The following GUCY2F variants were observed in gnomAD, a reference collection of about 807,000 sequenced individuals.
GUCY2F encodes retinal guanylyl cyclase 2.
In GUCY2F, 61 loss-of-function variants were observed where a neutral mutation model predicts 73.1. That is an observed-to-expected ratio of 0.83 (90% CI 0.68 to 1.03). GUCY2F has a LOEUF of 1.03. Among genes scored for constraint, GUCY2F ranks in the 50% least tolerant of loss-of-function variants. The pLI, the probability that GUCY2F is intolerant of heterozygous loss-of-function variation, is 0.00. For missense variants in GUCY2F, 912 were observed against 854.3 expected (o/e 1.07, Z -0.84); for synonymous variants, 331 against 307.8 (o/e 1.08, Z -0.79).
In GUCY2F at chrX:109,406,294, C is replaced by T. The variant is rs183156272; in HGVS notation, c.1969-1810G>A. ...CCAGTGGCACTGAGTTCCACATACA[C>T]AGCCATTGTATGTAAAGACCTCTCA... On this transcript the variant is annotated intron_variant, in intron 9 of 19. Transcript: ENST00000218006. Among the ~76,000 whole-genome samples the T allele has an allele frequency of 1.3e-3, 147 of 111,556 alleles. 1 individual carries two copies. The highest frequency in any genetic ancestry group is 4.7e-3 in the African/African-American group (143 of 30,681).
At chrX:109,452,469 T>G (rs1932155827) in intron 4 of GUCY2F, among the ~76,000 whole-genome samples, 1 of 111,946 alleles carries the variant, frequency 8.9e-6, no homozygotes. Flanking sequence ...CCTGTGAAAG[T>G]TAAGTATTAT....
At chrX:109,436,569 A>G (rs1251398537) in intron 7 of GUCY2F, among the ~76,000 whole-genome samples, 1 of 112,199 alleles carries the variant, frequency 8.9e-6, no homozygotes, top group Admixed American at 9.4e-5. Context: ...GATTAAGAAA[A>G]TGTGGCACAT....
chrX:109,409,224 A>C, intron 8 of GUCY2F, 56 bp from the exon 9 acceptor site: 8 of 613,095 alleles, frequency 1.3e-5, no homozygotes, highest in Non-Finnish European at 2.2e-5. Context: ...ACTGGGGACC[A>C]CAGTTGAGGG....
Position 109,392,922 on chromosome X carries a change from G to A in GUCY2F, c.2558C>T (p.Thr853Met), listed in dbSNP as rs781268860. The A allele has an allele frequency of 5.6e-5, 67 of 1,189,125 alleles. No homozygotes were observed. The highest frequency in any genetic ancestry group is 6.6e-5 in the Admixed American group (3 of 45,484). ...TAGCATCTGTGTTAGAAGCTTTTCC[G>A]TTTTCTGTTTTTCAATTTCCAGCTC... is the stretch of plus-strand genomic sequence containing the variant. ...TEELEIEKQK[T>M]EKLLTQMLPP... Residue 853 changes from threonine (T) to methionine (M), a missense_variant, in exon 13 of 20, where the codon ACG (threonine) becomes ATG (methionine). Physicochemically the swap from Thr to Met is moderately conservative, Grantham distance 81. Transcript: ENST00000218006.
At chrX:109,455,845 A>T (rs1170996492) in intron 3 of GUCY2F, among the ~76,000 whole-genome samples, 2 of 111,603 alleles carry the variant, frequency 1.8e-5, no homozygotes, top group Admixed American at 1.9e-4. Context: ...CTACTTTTAT[A>T]TCTCCACTTG....
intron 3 of GUCY2F, among the ~76,000 whole-genome samples, chrX:109,461,166 A>G (rs1480281808): frequency 3.6e-5 from 4 of 111,906 alleles, no homozygotes; most frequent in Non-Finnish European, 7.5e-5. Flanking sequence ...TAGTAATACA[A>G]CAAATAATGC....
At chrX:109,413,912 G>A (rs1186981082) in intron 8 of GUCY2F, among the ~76,000 whole-genome samples, 1 of 110,596 alleles carries the variant, frequency 9.0e-6, no homozygotes, top group Admixed American at 9.5e-5. Context: ...AGCTATATCA[G>A]CAATTGCTGT....
chrX:109,467,118 TC>T (rs1276839969), intron 2 of GUCY2F, among the ~76,000 whole-genome samples: 1 of 112,435 alleles, frequency 8.9e-6, no homozygotes, highest in East Asian at 2.8e-4. Flanking sequence ...CACAAGGAAT[TC>T]AGCCTCACTT....
At chrX:109,456,109 A>G (rs1932254023) in intron 3 of GUCY2F, among the ~76,000 whole-genome samples, 1 of 112,375 alleles carries the variant, frequency 8.9e-6, no homozygotes, top group Middle Eastern at 4.2e-3. Context: ...GTAGAAACAG[A>G]TCATGAATGG....
At chrX:109,443,368 T>C in intron 6 of GUCY2F, among the ~76,000 whole-genome samples, 1 of 111,594 alleles carries the variant, frequency 9.0e-6, no homozygotes, top group Middle Eastern at 4.6e-3. Context: ...CTTATAAGAG[T>C]ATACCAATCC....
At chrX:109,448,344 C>T (rs892816464) in intron 5 of GUCY2F, among the ~76,000 whole-genome samples, 179 bp from the exon 6 acceptor site, 3 of 111,188 alleles carry the variant, frequency 2.7e-5, no homozygotes, top group Non-Finnish European at 5.7e-5. Flanking sequence ...AACCCTGGCC[C>T]GCACAACTTG....
At chrX:109,444,210 C>A (rs1381589416) in intron 6 of GUCY2F, among the ~76,000 whole-genome samples, 1 of 111,998 alleles carries the variant, frequency 8.9e-6, no homozygotes, top group East Asian at 2.8e-4. Flanking sequence ...ACAATATTAA[C>A]CTTACAAAAA....
intron 5 of GUCY2F, among the ~76,000 whole-genome samples, chrX:109,450,335 C>T: frequency 9.0e-6 from 1 of 111,188 alleles, no homozygotes; most frequent in Non-Finnish European, 1.9e-5. Context: ...CCAAGAATTG[C>T]AGACTAGGCT....
At chrX:109,441,725 A>T (rs966599412) in intron 6 of GUCY2F, among the ~76,000 whole-genome samples, 4 of 110,352 alleles carry the variant, frequency 3.6e-5, no homozygotes, top group Non-Finnish European at 7.6e-5. Flanking sequence ...AGAGAGGATT[A>T]AAATACAGAT....
At chrX:109,459,939 A>G (rs1365940291) in intron 3 of GUCY2F, among the ~76,000 whole-genome samples, 2 of 111,840 alleles carry the variant, frequency 1.8e-5, no homozygotes, top group East Asian at 2.8e-4. Flanking sequence ...CAAAAAAACT[A>G]TAATGAGTAC....
At chrX:109,422,388 C>A (rs996933014) in intron 8 of GUCY2F, among the ~76,000 whole-genome samples, 6 of 111,361 alleles carry the variant, frequency 5.4e-5, no homozygotes, top group East Asian at 2.8e-4. Context: ...TTACCAGGAA[C>A]TTCAAGAAGA....
At chrX:109,429,344 G>A (rs1177813212) in intron 8 of GUCY2F, among the ~76,000 whole-genome samples, 1 of 108,355 alleles carries the variant, frequency 9.2e-6, no homozygotes, top group Non-Finnish European at 1.9e-5. Flanking sequence ...AACCCAGGAG[G>A]CGGAGGTTGC....
chrX:109,457,291 C>T (rs1932278766), intron 3 of GUCY2F, among the ~76,000 whole-genome samples: 1 of 111,655 alleles, frequency 9.0e-6, no homozygotes, highest in Non-Finnish European at 1.9e-5. Context: ...AAGTTGACTA[C>T]CATCAGTTCA....
intron 3 of GUCY2F, among the ~76,000 whole-genome samples, chrX:109,460,652 A>G (rs1242617438): frequency 8.9e-6 from 1 of 111,878 alleles, no homozygotes; most frequent in Non-Finnish European, 1.9e-5. Flanking sequence ...CCAAGAATAT[A>G]GGTCATGAGA....
Sources: allele counts gnomAD v4.1 joint callset (sites outside exome capture counted in the v4.1 genomes callset), GRCh38; gene constraint gnomAD v4.1.1; transcripts MANE v1.5; gene names NCBI Gene and HGNC (gene_info 2026-07-23, HGNC 2026-07-21).